Variants in CPAMD8 observed in about 807,000 individuals in gnomAD.
CPAMD8 encodes the protein C3 and PZP-like alpha-2-macroglobulin domain-containing protein 8.
Under a neutral mutation model 224.7 loss-of-function variants are expected in CPAMD8, and 146 were observed. The ratio of observed to expected loss-of-function variants is 0.65; its 90% CI spans 0.57 to 0.75. The LOEUF is 0.75. CPAMD8 is among the 30% of genes least tolerant of loss of function. CPAMD8 has a pLI of 0.00. For synonymous variants in CPAMD8, 966 were observed against 1,044.6 expected (o/e 0.92, Z 1.45); for missense variants, 2,301 against 2,537.5 (o/e 0.91, Z 2.00).
intron 5 of CPAMD8, among the ~76,000 whole-genome samples, chr19:17,010,889 G>A (rs2123135148): frequency 6.6e-6 from 1 of 152,130 alleles, no homozygotes; most frequent in East Asian, 1.9e-4. Flanking sequence ...TGGGCATGGT[G>A]GCACACACCT....
intron 6 of CPAMD8, 192 bp from the exon 7 acceptor site, chr19:17,008,751 G>C (rs762464796): frequency 3.0e-6 from 2 of 669,528 alleles, no homozygotes; most frequent in South Asian, 1.7e-5. Flanking sequence ...AGAAGGGGAT[G>C]GGCTGGGCCT....
At chr19:17,007,378 A>G (rs2056521153) in intron 7 of CPAMD8, among the ~76,000 whole-genome samples, 1 of 151,680 alleles carries the variant, frequency 6.6e-6, no homozygotes, top group African/African-American at 2.4e-5. Context: ...AAGGAGGAAG[A>G]AGAAGAAAGA....
In CPAMD8 at chr19:16,903,641, C is replaced by T. The variant is rs762634761; in HGVS notation, c.4408-18G>A. ...CTGGGGATCTGGAGACAGAAGTCACCGTGAGGCCCTGCTGACCCCTCCTCC... is the reference window on the plus strand; with the variant it reads ...CTGGGGATCTGGAGACAGAAGTCACTGTGAGGCCCTGCTGACCCCTCCTCC... On this transcript the variant is annotated intron_variant, in intron 33 of 41. Coordinates refer to ENST00000443236, the MANE Select transcript of CPAMD8 (RefSeq NM_015692.5). 2.7e-5 allele frequency: 43 copies of T among 1,613,944 alleles called. No individual in the cohort carries two copies. Among genetic ancestry groups the T allele is most frequent in the East Asian group, 6.7e-5 (3 of 44,872 alleles).
chr19:17,006,806 G>C (rs551164272), intron 7 of CPAMD8, among the ~76,000 whole-genome samples: 1 of 152,088 alleles, frequency 6.6e-6, no homozygotes, highest in Non-Finnish European at 1.5e-5. Flanking sequence ...TGCCACCCCG[G>C]GCTGGGATAG....
intron 3 of CPAMD8, among the ~76,000 whole-genome samples, chr19:17,015,822 C>T (rs546404595): frequency 1.4e-4 from 21 of 152,256 alleles, no homozygotes; most frequent in Middle Eastern, 3.4e-3. Context: ...GGGAGGCTGG[C>T]GGGCAAGAGA....
rs374113157 is a variant in CPAMD8 at position 16,976,103 on chromosome 19, C to T, written c.1807G>A (p.Asp603Asn). The T allele has an allele frequency of 1.5e-5, 24 of 1,612,738 alleles. No individual in the cohort carries two copies. Among genetic ancestry groups the T allele is most frequent in the East Asian group, 1.1e-4 (5 of 44,866 alleles). The change falls in exon 16 of 42, where the codon GAC becomes AAC. Residue 603 changes from aspartate (D) to asparagine (N), a missense_variant. By Grantham distance (23) the Asp-to-Asn change is conservative (BLOSUM62 1). Coordinates refer to ENST00000443236, the MANE Select transcript of CPAMD8 (RefSeq NM_015692.5). Reference sequence around the variant, plus strand: ...CCCCTTGCAGCCCTGATCCGCAGGTCGACAACCTCCCCAGGTTGGGTCTCA... The same window carrying T: ...CCCCTTGCAGCCCTGATCCGCAGGTTGACAACCTCCCCAGGTTGGGTCTCA... The part of the protein sequence containing the change: ...ANETQPGEVV[D>N]LRIRAARGSC...
At chr19:16,921,021 T>C (rs1419769092) in intron 27 of CPAMD8, among the ~76,000 whole-genome samples, 1 of 151,982 alleles carries the variant, frequency 6.6e-6, no homozygotes, top group Non-Finnish European at 1.5e-5. Context: ...AAGACGTGAT[T>C]GGGGCCTTGC....
At chr19:16,927,534 T>C (rs2053406670) in intron 25 of CPAMD8, among the ~76,000 whole-genome samples, 1 of 152,100 alleles carries the variant, frequency 6.6e-6, no homozygotes, top group South Asian at 2.1e-4. Flanking sequence ...CCAATGTCCC[T>C]AGTCAGAGCC....
In CPAMD8 at chr19:16,940,821, C is replaced by A. The variant is rs575288570; in HGVS notation, c.2794-2375G>T. Among the ~76,000 whole-genome samples the A allele has an allele frequency of 4.6e-5, 7 of 152,344 alleles. No individual in the cohort carries two copies. The East Asian group carries it at 1.4e-3, about 29-fold the overall frequency. Reference sequence around the variant, plus strand: ...AAGCTAGGGGGCACCAGGGAAGGCCCCAGAAGCATTGCTTAGGCCTCAGTA... The same window carrying A: ...AAGCTAGGGGGCACCAGGGAAGGCCACAGAAGCATTGCTTAGGCCTCAGTA... On this transcript the variant is annotated intron_variant, in intron 22 of 41. Transcript: ENST00000443236.
intron 19 of CPAMD8, among the ~76,000 whole-genome samples, chr19:16,953,923 G>A (rs1190801280): frequency 2.0e-5 from 3 of 152,062 alleles, no homozygotes; most frequent in Admixed American, 2.0e-4. Flanking sequence ...AAACCACAAT[G>A]AGATGCCACT....
intron 26 of CPAMD8, among the ~76,000 whole-genome samples, chr19:16,922,792 G>C (rs2053226565): frequency 6.6e-6 from 1 of 151,470 alleles, no homozygotes; most frequent in Non-Finnish European, 1.5e-5. Flanking sequence ...CCACATTGGG[G>C]GTCCCTGAAA....
chr19:16,978,497 C>A (rs2055361669), intron 14 of CPAMD8, among the ~76,000 whole-genome samples: 1 of 152,186 alleles, frequency 6.6e-6, no homozygotes, highest in Non-Finnish European at 1.5e-5. Context: ...GGTGAAGGTG[C>A]ACCATGCCCA....
At chr19:16,900,219 A>T (rs1343769232) in intron 36 of CPAMD8, among the ~76,000 whole-genome samples, 11 of 152,052 alleles carry the variant, frequency 7.2e-5, no homozygotes, top group Admixed American at 6.6e-4. Flanking sequence ...GTCTCGGCAG[A>T]ATGTGGATTG....
chr19:16,946,823 G>C (rs1400063801), intron 21 of CPAMD8, among the ~76,000 whole-genome samples: 1 of 152,128 alleles, frequency 6.6e-6, no homozygotes, highest in African/African-American at 2.4e-5. Flanking sequence ...GTCTGCATGT[G>C]TGTGTGCTAC....
At chr19:17,014,000 TTCCC>T (rs371949668) in intron 3 of CPAMD8, among the ~76,000 whole-genome samples, 15,420 of 126,826 alleles carry the variant, frequency 0.12, 1,280 homozygotes, top group African/African-American at 0.24. Context: ...TACACATTCC[TTCCC>T]TCCCTCCCTC....
chr19:17,015,300 C>G (rs933656631), intron 3 of CPAMD8, among the ~76,000 whole-genome samples: 7 of 152,154 alleles, frequency 4.6e-5, no homozygotes, highest in Non-Finnish European at 1.0e-4. Context: ...GGGTGTTCCT[C>G]TTCTGAGGAC....
chr19:16,900,715 G>A (rs2052217642), intron 36 of CPAMD8, among the ~76,000 whole-genome samples: 1 of 151,862 alleles, frequency 6.6e-6, no homozygotes, highest in South Asian at 2.1e-4. Context: ...TGCCCAGAAA[G>A]GGGAGGAAAA....
At chr19:16,933,463 T>C (rs2053601425) in intron 23 of CPAMD8, among the ~76,000 whole-genome samples, 1 of 152,156 alleles carries the variant, frequency 6.6e-6, no homozygotes, top group Non-Finnish European at 1.5e-5. Flanking sequence ...ATCCAGAATA[T>C]ATTTTCAAAT....
In CPAMD8 at chr19:16,901,142, C is replaced by G. The variant is rs1238698846; in HGVS notation, c.4773+68G>C. ...GTCTGGACTGCCAGCCAGCCTGACCCTGGGTGCCTAAGCCCTACCTATTGT... is the reference window on the plus strand; with the variant it reads ...GTCTGGACTGCCAGCCAGCCTGACCGTGGGTGCCTAAGCCCTACCTATTGT... On this transcript the variant is annotated intron_variant, in intron 36 of 41. Coordinates refer to ENST00000443236, the MANE Select transcript of CPAMD8 (RefSeq NM_015692.5). 233 of 1,082,090 alleles carry G rather than the reference C, an allele frequency of 2.2e-4. 4 individuals are homozygous for G. The South Asian group carries it at 3.0e-3, about 14-fold the overall frequency. 67.0% of individuals were successfully genotyped at this position (1,082,090 alleles called of 1,614,324 possible).
Sources: gnomAD v4.1 joint callset for allele counts (sites outside exome capture counted in the v4.1 genomes callset) on GRCh38, gnomAD v4.1.1 for gene constraint, MANE v1.5 for transcripts, NCBI Gene and HGNC (gene_info 2026-07-23, HGNC 2026-07-21) for gene names.